The following SPOCK3 variants were observed in gnomAD, a reference collection of about 807,000 sequenced individuals.
SPOCK3 encodes the protein SPARC (osteonectin), cwcv and kazal like domains proteoglycan 3, also known as testican-3.
SPOCK3 carries 30 observed loss-of-function variants against 56.6 expected under a neutral mutation model. That is an observed-to-expected ratio of 0.53 (90% CI 0.40 to 0.72). The LOEUF is 0.72. Ranked by LOEUF, SPOCK3 falls within the 30% of genes least tolerant of loss-of-function variation. The pLI is 0.00. For missense variants in SPOCK3, 527 were observed against 530.0 expected (o/e 0.99, Z 0.06); for synonymous variants, 196 against 183.3 (o/e 1.07, Z -0.56).
rs527982305 is a variant in SPOCK3, at chr4:166,754,420, C to A, written c.931+88G>T. 9 of 1,476,390 alleles carry A rather than the reference C, an allele frequency of 6.1e-6. No homozygotes were observed. The African/African-American group carries it at 1.3e-4, about 21-fold the overall frequency. The allele number at this position is 1,476,390 out of a possible 1,614,324, so 91.5% of individuals were successfully genotyped here. A position where few individuals can be genotyped will look rare whatever the true frequency, so the allele number is the denominator to read the frequency against. On this transcript the variant is annotated intron_variant, in intron 8 of 10. Transcript: ENST00000357545. ...CAAAAACATACACAAAATGAATGAG[C>A]ATAGTGTACTGTTTTATTTTCTTAA...
At chr4:167,174,206 A>T (rs1055056463) in intron 2 of SPOCK3, among the ~76,000 whole-genome samples, 4 of 152,108 alleles carry the variant, frequency 2.6e-5, no homozygotes, top group African/African-American at 9.7e-5. Context: ...TTAGTGTATG[A>T]TTTGTCCAGT....
intron 2 of SPOCK3, among the ~76,000 whole-genome samples, chr4:167,159,919 C>A (rs1765138813): frequency 1.3e-5 from 2 of 152,044 alleles, no homozygotes; most frequent in South Asian, 2.1e-4. Context: ...CTATGACAAA[C>A]CTACAGCCAA....
intron 6 of SPOCK3, among the ~76,000 whole-genome samples, chr4:166,849,943 C>A (rs1748504537): frequency 1.3e-5 from 2 of 152,146 alleles, no homozygotes; most frequent in Admixed American, 6.5e-5. Flanking sequence ...AATAATATTT[C>A]ATTTATGTAT....
intron 2 of SPOCK3, among the ~76,000 whole-genome samples, chr4:167,205,401 ATAT>A (rs1734098905): frequency 2.5e-5 from 1 of 40,576 alleles, no homozygotes; most frequent in Non-Finnish European, 3.9e-5. Context: ...TTTATATATA[ATAT>A]ATTATATATT....
intron 2 of SPOCK3, among the ~76,000 whole-genome samples, chr4:167,092,370 G>A (rs1758779273): frequency 6.6e-6 from 1 of 152,050 alleles, no homozygotes; most frequent in East Asian, 1.9e-4. Flanking sequence ...CTTCTGTAAC[G>A]AAGGGTCCCA....
At chr4:167,116,966 C>G (rs1300490206) in intron 2 of SPOCK3, among the ~76,000 whole-genome samples, 1 of 131,424 alleles carries the variant, frequency 7.6e-6, no homozygotes, top group South Asian at 2.4e-4. Flanking sequence ...TATATCCCAC[C>G]ATAGAGAAAA....
At chr4:167,182,243 T>C (rs1670106304) in intron 2 of SPOCK3, among the ~76,000 whole-genome samples, 5 of 152,050 alleles carry the variant, frequency 3.3e-5, no homozygotes, top group Admixed American at 3.3e-4. Flanking sequence ...GCCCTCAAAG[T>C]ACAACCACAG....
chr4:167,174,763 T>C (rs1353404388), intron 2 of SPOCK3, among the ~76,000 whole-genome samples: 1 of 152,198 alleles, frequency 6.6e-6, no homozygotes, highest in Non-Finnish European at 1.5e-5. Context: ...ATAAATAAGC[T>C]TTAAAAGTTC....
At chr4:167,227,356 G>A (rs1200447500) in intron 2 of SPOCK3, among the ~76,000 whole-genome samples, 1 of 151,994 alleles carries the variant, frequency 6.6e-6, no homozygotes, top group Non-Finnish European at 1.5e-5. Flanking sequence ...GGCTTGAGGT[G>A]GCCAGAAATT....
intron 6 of SPOCK3, among the ~76,000 whole-genome samples, chr4:166,795,616 C>T (rs948880145): frequency 6.6e-6 from 1 of 151,858 alleles, no homozygotes; most frequent in African/African-American, 2.4e-5. Flanking sequence ...TTAAACCATA[C>T]ACTTTCTGAA....
chr4:166,747,721 T>A (rs80354015), intron 8 of SPOCK3, among the ~76,000 whole-genome samples: 1 of 151,942 alleles, frequency 6.6e-6, no homozygotes, highest in South Asian at 2.1e-4. Context: ...GACATGATTG[T>A]ATATTTAGAA....
At chr4:166,955,157 C>T (rs1394275819) in intron 4 of SPOCK3, among the ~76,000 whole-genome samples, 1 of 151,942 alleles carries the variant, frequency 6.6e-6, no homozygotes, top group Non-Finnish European at 1.5e-5. Flanking sequence ...TACAAACATA[C>T]AAAAGCCTTT....
In SPOCK3 at chr4:166,938,002, T is replaced by A. The variant is rs886912668; in HGVS notation, c.351-25259A>T. ...ACCGTGTTAGCCAGAAAGCTCTCAA[T>A]CTCCTGACCACCTCGGCCTATCCAC... On this transcript the variant is annotated intron_variant, in intron 4 of 10. Transcript: ENST00000357545. 3.3e-5 allele frequency among the ~76,000 whole-genome samples: 5 copies of A among 149,464 alleles called. No individual in the cohort carries two copies. In the East Asian group the frequency reaches 1.0e-3, roughly 30 times the overall value.
At chr4:167,059,712 T>C (rs1021723790) in intron 3 of SPOCK3, among the ~76,000 whole-genome samples, 1 of 152,198 alleles carries the variant, frequency 6.6e-6, no homozygotes, top group African/African-American at 2.4e-5. Flanking sequence ...CCTATGTTTA[T>C]TGCGGCACTA....
At chr4:166,826,488 C>T (rs1489928990) in intron 6 of SPOCK3, among the ~76,000 whole-genome samples, 1 of 152,008 alleles carries the variant, frequency 6.6e-6, no homozygotes, top group African/African-American at 2.4e-5. Flanking sequence ...AAAGAGCAAT[C>T]ATTTCAAAAA....
At chr4:167,206,234 G>C (rs886559754) in intron 2 of SPOCK3, among the ~76,000 whole-genome samples, 17 of 152,080 alleles carry the variant, frequency 1.1e-4, no homozygotes, top group Admixed American at 5.9e-4. Context: ...TGAGGTAGGA[G>C]AATCACTTGA....
At chr4:166,913,142 C>G (rs1473272234) in intron 4 of SPOCK3, among the ~76,000 whole-genome samples, 3 of 152,070 alleles carry the variant, frequency 2.0e-5, no homozygotes, top group Non-Finnish European at 4.4e-5. Context: ...GACATCTAAT[C>G]CACTGGGTGC....
intron 6 of SPOCK3, among the ~76,000 whole-genome samples, chr4:166,837,809 T>C (rs1174567707): frequency 6.6e-6 from 1 of 152,182 alleles, no homozygotes; most frequent in Admixed American, 6.5e-5. Flanking sequence ...TTTAGCATTT[T>C]CTTTCTTTTT....
intron 2 of SPOCK3, among the ~76,000 whole-genome samples, chr4:167,125,746 T>A (rs1278273720): frequency 6.6e-6 from 1 of 151,950 alleles, no homozygotes; most frequent in Non-Finnish European, 1.5e-5. Context: ...TTAAAAACCC[T>A]CCATTTCTTT....
Sources: gnomAD v4.1 joint callset for allele counts (sites outside exome capture counted in the v4.1 genomes callset) on GRCh38, gnomAD v4.1.1 for gene constraint, MANE v1.5 for transcripts, NCBI Gene and HGNC (gene_info 2026-07-23, HGNC 2026-07-21) for gene names.